PCDH9: variants seen among roughly 807,000 people sequenced by gnomAD.
The protein encoded by PCDH9 is protocadherin 9.
PCDH9 carries 24 observed loss-of-function variants against 70.6 expected under a neutral mutation model. That is an observed-to-expected ratio of 0.34 (90% CI 0.25 to 0.48). The LOEUF (loss-of-function observed/expected upper bound fraction) is 0.48. Among genes scored for constraint, PCDH9 ranks in the 20% least tolerant of loss-of-function variants. The pLI, the probability that PCDH9 is intolerant of heterozygous loss-of-function variation, is 0.99. For synonymous variants in PCDH9, 562 were observed against 558.5 expected, an observed-to-expected ratio of 1.01 and a Z score of -0.09; for missense variants, 1,281 against 1,503.6, an observed-to-expected ratio of 0.85 and a Z score of 2.45.
intron 4 of PCDH9, among the ~76,000 whole-genome samples, chr13:66,618,871 A>T (rs1403340967): frequency 6.6e-6 from 1 of 152,200 alleles, no homozygotes; most frequent in East Asian, 1.9e-4. Flanking sequence ...GATTCCATGC[A>T]GTACACCAGG....
At chr13:66,931,975 T>C (rs1250704254) in intron 2 of PCDH9, among the ~76,000 whole-genome samples, 1 of 152,152 alleles carries the variant, frequency 6.6e-6, no homozygotes, top group Non-Finnish European at 1.5e-5. Context: ...TGTATGTGTT[T>C]GCTTCCTTGT....
At chr13:66,645,947 G>C (rs2077765662) in intron 3 of PCDH9, among the ~76,000 whole-genome samples, 2 of 152,170 alleles carry the variant, frequency 1.3e-5, no homozygotes, top group African/African-American at 4.8e-5. Context: ...AGCAGGACAT[G>C]AAGGGCCACT....
rs1276835807 is a variant in PCDH9, at chr13:67,186,781, T to TA, written c.3036+38623dup. On this transcript the variant is annotated intron_variant, in intron 2 of 4. Coordinates refer to ENST00000377865, the MANE Select transcript of PCDH9 (RefSeq NM_203487.3). ...ATATACTAATGTTTATTTTTTAACA[T>TA]ATTGTTCTGCTATACCCTTAAAATA... Among the ~76,000 whole-genome samples the TA allele has an allele frequency of 3.3e-5, 5 of 152,328 alleles. No individual in the cohort carries two copies. In the East Asian group the frequency reaches 9.6e-4, roughly 29 times the overall value.
chr13:66,971,642 T>C (rs553388627), intron 2 of PCDH9, among the ~76,000 whole-genome samples: 2 of 152,096 alleles, frequency 1.3e-5, no homozygotes, highest in Non-Finnish European at 2.9e-5. Context: ...ATTCAATGAC[T>C]GCAAATCTAA....
chr13:66,509,681 G>A (rs1285509804), intron 4 of PCDH9, among the ~76,000 whole-genome samples: 1 of 151,968 alleles, frequency 6.6e-6, no homozygotes, highest in South Asian at 2.1e-4. Context: ...TCAAACTCCT[G>A]GGCTCAAGAA....
At chr13:66,348,595 G>A (rs1956247005) in intron 4 of PCDH9, among the ~76,000 whole-genome samples, 1 of 151,328 alleles carries the variant, frequency 6.6e-6, no homozygotes, top group South Asian at 2.1e-4. Context: ...TTGACATGTT[G>A]GTCAGGCTGG....
rs1370469810 is a variant in PCDH9 at position 66,772,086 on chromosome 13, C to T, written c.3138+131418G>A. Among the ~76,000 whole-genome samples the T allele has an allele frequency of 2.0e-5, 3 of 152,292 alleles. No individual in the cohort carries two copies. The East Asian group carries it at 5.8e-4, about 29-fold the overall frequency. On this transcript the variant is annotated intron_variant, in intron 3 of 4. Coordinates refer to ENST00000377865, the MANE Select transcript of PCDH9 (RefSeq NM_203487.3). ...CACAAGGCATAAGGTAGCCAACATT[C>T]TGGCATAAGGAATTTGGAAAAAATA...
intron 2 of PCDH9, among the ~76,000 whole-genome samples, chr13:67,143,689 A>G (rs1214189886): frequency 6.6e-6 from 1 of 152,174 alleles, no homozygotes; most frequent in Non-Finnish European, 1.5e-5. Context: ...AGTCACAAAA[A>G]TCTAGAAAGA....
chr13:67,072,080 A>G (rs1440611196), intron 2 of PCDH9, among the ~76,000 whole-genome samples: 1 of 152,134 alleles, frequency 6.6e-6, no homozygotes, highest in East Asian at 1.9e-4. Flanking sequence ...TGAGCAGACT[A>G]GGAGTGACTA....
intron 4 of PCDH9, among the ~76,000 whole-genome samples, chr13:66,555,485 TTG>T (rs1961693191): frequency 6.6e-6 from 1 of 152,056 alleles, no homozygotes; most frequent in Non-Finnish European, 1.5e-5. Context: ...TACTTCAGAT[TTG>T]TGTTATTTCT....
chr13:66,637,551 GTACT>G (rs2077654602), intron 3 of PCDH9, among the ~76,000 whole-genome samples: 1 of 152,138 alleles, frequency 6.6e-6, no homozygotes, highest in Admixed American at 6.5e-5. Flanking sequence ...TTTATTGGAA[GTACT>G]TATGTTAAAA....
At chr13:66,383,219 C>CA (rs890115069) in intron 4 of PCDH9, among the ~76,000 whole-genome samples, 3 of 152,102 alleles carry the variant, frequency 2.0e-5, no homozygotes, top group South Asian at 2.1e-4. Context: ...GCAATGAGCA[C>CA]AAAAAATGGC....
intron 4 of PCDH9, among the ~76,000 whole-genome samples, chr13:66,547,313 A>G (rs1778581477): frequency 6.6e-6 from 1 of 152,182 alleles, no homozygotes; most frequent in Non-Finnish European, 1.5e-5. Context: ...GCCCTAGTGG[A>G]AAACAAAACA....
intron 2 of PCDH9, among the ~76,000 whole-genome samples, chr13:66,930,187 C>T (rs928337036): frequency 6.6e-6 from 1 of 152,120 alleles, no homozygotes; most frequent in African/African-American, 2.4e-5. Flanking sequence ...ATTTAGCATT[C>T]TGTTTTCATT....
At position 66,358,910 on chromosome 13, in the gene PCDH9, T is replaced by G. The variant is rs542181178; in HGVS notation, c.3341-53882A>C. Among the ~76,000 whole-genome samples the G allele has an allele frequency of 6.6e-5, 10 of 152,114 alleles. No homozygotes were observed. In the East Asian group the frequency reaches 1.9e-3, roughly 29 times the overall value. ...ACCAACTTTGATTTTTTCACAAAGC[T>G]TCCCTCCCACTGCTGACTAGTAAAC... On this transcript the variant is annotated intron_variant, in intron 4 of 4. Transcript: ENST00000377865.
chr13:66,713,125 C>T (rs961942372), intron 3 of PCDH9, among the ~76,000 whole-genome samples: 3 of 152,054 alleles, frequency 2.0e-5, no homozygotes, highest in Non-Finnish European at 4.4e-5. Context: ...TTAAAAACTG[C>T]GTGATCACTC....
chr13:67,017,599 A>C (rs2084588842), intron 2 of PCDH9, among the ~76,000 whole-genome samples: 1 of 152,206 alleles, frequency 6.6e-6, no homozygotes, highest in African/African-American at 2.4e-5. Context: ...TGAAAGAGAA[A>C]TAGGATAAAT....
chr13:66,800,168 T>C (rs1260491131), intron 3 of PCDH9, among the ~76,000 whole-genome samples: 1 of 152,136 alleles, frequency 6.6e-6, no homozygotes, highest in Admixed American at 6.6e-5. Flanking sequence ...TTGCAATCCC[T>C]CTAACCACAT....
intron 4 of PCDH9, among the ~76,000 whole-genome samples, chr13:66,589,138 T>C (rs1321282577): frequency 6.6e-6 from 1 of 151,968 alleles, no homozygotes; most frequent in East Asian, 1.9e-4. Context: ...AATTGAAGAG[T>C]TACTGTATGT....
Sources: allele counts gnomAD v4.1 joint callset (sites outside exome capture counted in the v4.1 genomes callset), GRCh38; gene constraint gnomAD v4.1.1; transcripts MANE v1.5; gene names NCBI Gene and HGNC (gene_info 2026-07-23, HGNC 2026-07-21).